ABCC10: variants seen among roughly 807,000 people sequenced by gnomAD.
ABCC10 encodes the protein ATP binding cassette subfamily C member 10, also known as ATP-binding cassette sub-family C member 10.
A neutral mutation model predicts 143.2 loss-of-function variants in ABCC10; 110 were observed. The observed-to-expected ratio is 0.77, with a 90% confidence interval of 0.66 to 0.90. The LOEUF (loss-of-function observed/expected upper bound fraction) is 0.90. ABCC10 is among the 40% of genes least tolerant of loss of function. ABCC10 has a pLI of 0.00. For missense variants in ABCC10, 1,700 were observed against 1,900.5 expected, an observed-to-expected ratio of 0.89 and a Z score of 1.96; for synonymous variants, 805 against 846.7, an observed-to-expected ratio of 0.95 and a Z score of 0.85.
intron 6 of ABCC10, among the ~76,000 whole-genome samples, chr6:43,436,544 C>T (rs2127390950): frequency 6.6e-6 from 1 of 152,218 alleles, no homozygotes; most frequent in Admixed American, 6.5e-5. Context: ...CAGAACAGGC[C>T]CTGGGGTTTA....
At chr6:43,433,383 T>A in intron 3 of ABCC10, 23 bp downstream of exon 3, 1 of 1,581,990 alleles carries the variant, frequency 6.3e-7, no homozygotes, top group Non-Finnish European at 8.6e-7. Context: ...TTGGGGTCCC[T>A]CAGCTATCTG....
At position 43,433,244 on chromosome 6, in the gene ABCC10, G is replaced by A. The variant is rs777460461; in HGVS notation, c.1264G>A (p.Ala422Thr). ...CCTGCTGTACCAGCAGGTAGGCGTG[G>A]CCTTCGTGGGTGGTCTCATCTTGGC... ...LYLLYQQVGV[A>T]FVGGLILALL... is the part of the protein sequence containing the mutation. Residue 422 changes from alanine to threonine, a missense_variant, in exon 3 of 22, where the codon GCC (alanine) becomes ACC (threonine). Physicochemically the swap from Ala to Thr is moderately conservative, Grantham distance 58. Coordinates refer to ENST00000372530, the MANE Select transcript of ABCC10 (RefSeq NM_001198934.2). The A allele has an allele frequency of 6.2e-7, 1 of 1,614,204 alleles. No homozygotes were observed. The highest frequency in any genetic ancestry group is 1.7e-5 in the Admixed American group (1 of 60,030).
chr6:43,439,574 C>CGTTTT (rs964023150), intron 8 of ABCC10, among the ~76,000 whole-genome samples: 20 of 151,442 alleles, frequency 1.3e-4, no homozygotes, highest in Admixed American at 4.6e-4. Context: ...AGCTAATTTT[C>CGTTTT]GTTTTGTTTT....
chr6:43,438,072 C>G lies in ABCC10; in HGVS notation c.1955+59C>G, dbSNP rs1781949241. ...TTGTCCTTTAGCAAACACTGAGCCC[C>G]TCTTATGTGTTGGACACCTTTTGGG... is the stretch of plus-strand genomic sequence containing the variant. On this transcript the variant is annotated intron_variant, in intron 7 of 21. Transcript: ENST00000372530. 3.9e-6 allele frequency: 6 copies of G among 1,546,926 alleles called. No homozygotes were observed. In the East Asian group the frequency reaches 1.4e-4, roughly 36 times the overall value.
rs200904104 is a variant in ABCC10, at chr6:43,446,419, C to G, written c.3517C>G (p.Gln1173Glu). The stretch of plus-strand genomic sequence containing the variant: ...CGCTATCGCAGGCATCGCTCTGGTG[C>G]AGCACCAGCAGGGCCTCGCTAACCC... Reference protein sequence around the residue: ...VSAIAGIALVQHQQGLANPGL... With the variant: ...VSAIAGIALVEHQQGLANPGL... Residue 1173 changes from glutamine (Q) to glutamate (E), a missense_variant, in exon 16 of 22, where the codon CAG becomes GAG. Gln to Glu is a conservative substitution (Grantham distance 29). Coordinates refer to ENST00000372530, the MANE Select transcript of ABCC10 (RefSeq NM_001198934.2). 6 of 1,611,946 alleles carry G rather than the reference C, an allele frequency of 3.7e-6. No homozygotes were observed. The African/African-American group carries it at 6.7e-5, about 18-fold the overall frequency.
chr6:43,448,138 T>G, intron 18 of ABCC10: 1 of 834,116 alleles, frequency 1.2e-6, no homozygotes, highest in Non-Finnish European at 2.0e-6. Context: ...TCTCAAGGTC[T>G]TCCTCGCCCT....
At chr6:43,441,582 T>A (rs1229198995) in intron 8 of ABCC10, among the ~76,000 whole-genome samples, 1 of 152,234 alleles carries the variant, frequency 6.6e-6, no homozygotes, top group Non-Finnish European at 1.5e-5. Flanking sequence ...TGTCTGAGCT[T>A]TGGTTGCACC....
rs563133659 is a variant in ABCC10, at chr6:43,448,732, G to T, written c.3960-149G>T. The T allele has an allele frequency of 7.2e-5, 68 of 945,332 alleles. No individual in the cohort carries two copies. In the South Asian group the frequency reaches 1.1e-3, roughly 15 times the overall value. 58.6% of individuals were successfully genotyped at this position (945,332 alleles called of 1,614,324 possible). ...GTACCCAGCTACTAACAGATCATTT[G>T]GTGGGGATGGGGTGGGGAGCAGAGT... On this transcript the variant is annotated intron_variant, in intron 18 of 21. Transcript: ENST00000372530.
downstream of ABCC10, among the ~76,000 whole-genome samples, chr6:43,451,731 G>C (rs1205400731): frequency 6.6e-6 from 1 of 151,444 alleles, no homozygotes; most frequent in Non-Finnish European, 1.5e-5. The surrounding 1 kb of genome is among the most constrained non-coding windows in gnomAD (Gnocchi z 4.4). Context: ...AGCTCCTATA[G>C]ATTGTTGAAG....
At chr6:43,429,425 G>A (rs1780893751) in intron 2 of ABCC10, among the ~76,000 whole-genome samples, 1 of 141,650 alleles carries the variant, frequency 7.1e-6, no homozygotes, top group Non-Finnish European at 1.6e-5. Context: ...GGGGGAGGGG[G>A]GATTGTTATT....
At chr6:43,438,370 C>G in intron 7 of ABCC10, 2 of 1,418,326 alleles carry the variant, frequency 1.4e-6, no homozygotes, top group Non-Finnish European at 1.8e-6. Flanking sequence ...GCCATACTCT[C>G]CACTGAGCTC....
At chr6:43,447,559 C>G in intron 17 of ABCC10, 125 bp from the exon 18 acceptor site, 3 of 1,554,832 alleles carry the variant, frequency 1.9e-6, no homozygotes, top group Middle Eastern at 2.2e-4. Context: ...TCCCTTCTTC[C>G]CCATCTCTCA....
At chr6:43,447,999 G>A (rs1354848431) in intron 18 of ABCC10, 62 bp downstream of exon 18, 1 of 1,594,258 alleles carries the variant, frequency 6.3e-7, no homozygotes, top group African/African-American at 1.3e-5. Flanking sequence ...CTTAGAGGAG[G>A]GCATAGCCAG....
chr6:43,441,612 C>G (rs1782480496), intron 8 of ABCC10, among the ~76,000 whole-genome samples: 1 of 152,182 alleles, frequency 6.6e-6, no homozygotes, highest in Non-Finnish European at 1.5e-5. Context: ...GAAATGATAC[C>G]ATCTTCATAA....
chr6:43,429,911 G>A (rs971324722), intron 2 of ABCC10, among the ~76,000 whole-genome samples: 5 of 152,112 alleles, frequency 3.3e-5, no homozygotes, highest in African/African-American at 1.2e-4. Flanking sequence ...CTGCACTCCA[G>A]CCTGGACGAC....
chr6:43,437,040 G>A (rs542635606), intron 6 of ABCC10, among the ~76,000 whole-genome samples: 2 of 152,276 alleles, frequency 1.3e-5, no homozygotes, highest in East Asian at 1.9e-4. Context: ...AGAATCCAAA[G>A]GCAGGAACGC....
At chr6:43,430,307 T>C (rs1296238458) in intron 2 of ABCC10, among the ~76,000 whole-genome samples, 1 of 151,964 alleles carries the variant, frequency 6.6e-6, no homozygotes, top group African/African-American at 2.4e-5. Flanking sequence ...CACAGGCTGG[T>C]CTTGAACTCC....
chr6:43,435,931 AC>A, intron 5 of ABCC10, 24 bp downstream of exon 5: 1 of 1,613,596 alleles, frequency 6.2e-7, no homozygotes, highest in Non-Finnish European at 8.5e-7. Context: ...AGTGGGCAGA[AC>A]CTGGCACAGG....
At chr6:43,442,859 G>A (rs765647488) in intron 9 of ABCC10, 111 bp from the exon 10 acceptor site, 3 of 985,302 alleles carry the variant, frequency 3.0e-6, no homozygotes, top group Non-Finnish European at 1.4e-6. Flanking sequence ...TTCTCTGCTA[G>A]TGTAGGGGTA....
Sources: allele counts gnomAD v4.1 joint callset (sites outside exome capture counted in the v4.1 genomes callset), GRCh38; gene constraint gnomAD v4.1.1; non-coding constraint Gnocchi (gnomAD v3.1); transcripts MANE v1.5; gene names NCBI Gene and HGNC (gene_info 2026-07-23, HGNC 2026-07-21).